Variants in CYTH3 observed in about 807,000 individuals in gnomAD.
CYTH3 encodes cytohesin 3.
Under a neutral mutation model 55.1 loss-of-function variants are expected in CYTH3, and 23 were observed. The ratio of observed to expected loss-of-function variants is 0.42; its 90% CI spans 0.30 to 0.59. The LOEUF (loss-of-function observed/expected upper bound fraction) is 0.59. CYTH3 is among the 20% of genes least tolerant of loss of function. The pLI, the probability that CYTH3 is intolerant of heterozygous loss-of-function variation, is 0.20. For missense variants in CYTH3, 413 were observed against 524.8 expected (o/e 0.79, Z 2.08); for synonymous variants, 249 against 194.9 (o/e 1.28, Z -2.31).
At chr7:6,259,757 T>TATTATATATATATATAA (rs1554255069) in intron 1 of CYTH3, among the ~76,000 whole-genome samples, 1 of 37,464 alleles carries the variant, frequency 2.7e-5, no homozygotes, top group African/African-American at 2.4e-4. Flanking sequence ...TATATATATA[T>TATTATATATATATATAA]TATATATATA....
chr7:6,200,584 T>C (rs1247965074), intron 1 of CYTH3, among the ~76,000 whole-genome samples: 2 of 152,222 alleles, frequency 1.3e-5, no homozygotes, highest in Non-Finnish European at 2.9e-5. Context: ...TGGAGCTTTT[T>C]AGATTTTTGG....
At chr7:6,173,206 G>A (rs1460340834) in intron 6 of CYTH3, 1 of 303,664 alleles carries the variant, frequency 3.3e-6, no homozygotes, top group African/African-American at 2.2e-5. Flanking sequence ...AGCTCAAGGG[G>A]GCATCCAGGG....
intron 1 of CYTH3, among the ~76,000 whole-genome samples, chr7:6,217,267 T>C (rs1045247838): frequency 5.9e-5 from 9 of 152,172 alleles, no homozygotes; most frequent in African/African-American, 7.2e-5. Flanking sequence ...TATTAAAAGA[T>C]TGGCAGAGTA....
At chr7:6,231,870 G>A (rs1236747762) in intron 1 of CYTH3, among the ~76,000 whole-genome samples, 2 of 152,112 alleles carry the variant, frequency 1.3e-5, no homozygotes, top group African/African-American at 2.4e-5. Context: ...GGGCCACAAG[G>A]CACCCTGCTA....
rs539964133 is a variant in CYTH3 at position 6,170,359 on chromosome 7, G to A, written c.823+176C>T. ...GGGCATGGCTCTGAGGCCCCGGCTC[G>A]GAGAAGCAGCCGTGGCCATGCAGCT... On this transcript the variant is annotated intron_variant, in intron 9 of 12. Transcript: ENST00000350796. This position sits in a 1 kb window ranked among gnomAD's most constrained non-coding sequence, Gnocchi z 7.8. The A allele has an allele frequency of 2.9e-5, 18 of 617,716 alleles. No homozygotes were observed. In the East Asian group the frequency reaches 4.4e-4, roughly 15 times the overall value. 38.3% of individuals were successfully genotyped at this position (617,716 alleles called of 1,614,324 possible). A position where few individuals can be genotyped will look rare whatever the true frequency, so the allele number is the denominator to read the frequency against.
chr7:6,199,854 A>G (rs1490805401), intron 1 of CYTH3, among the ~76,000 whole-genome samples: 2 of 152,214 alleles, frequency 1.3e-5, no homozygotes, highest in Non-Finnish European at 2.9e-5. Flanking sequence ...GTTGGGAGGG[A>G]GAAAGGAAAG....
At chr7:6,256,689 G>C (rs1279397513) in intron 1 of CYTH3, among the ~76,000 whole-genome samples, 1 of 152,176 alleles carries the variant, frequency 6.6e-6, no homozygotes, top group Admixed American at 6.5e-5. Flanking sequence ...CAGAACCCAG[G>C]GGAAATAGCT....
chr7:6,196,096 G>T (rs902427141), intron 1 of CYTH3, among the ~76,000 whole-genome samples: 8 of 152,106 alleles, frequency 5.3e-5, no homozygotes, highest in African/African-American at 1.7e-4. Flanking sequence ...TGCTTCCTTA[G>T]TCCTATGTCT....
intron 1 of CYTH3, among the ~76,000 whole-genome samples, chr7:6,251,492 G>A (rs905763844): frequency 1.3e-5 from 2 of 152,050 alleles, no homozygotes; most frequent in Non-Finnish European, 2.9e-5. Flanking sequence ...TGTAAAATAG[G>A]AAAGGATTCT....
intron 1 of CYTH3, among the ~76,000 whole-genome samples, chr7:6,224,829 G>T (rs1239121371): frequency 1.3e-5 from 2 of 152,172 alleles, no homozygotes; most frequent in African/African-American, 2.4e-5. Context: ...ATGGATGAAT[G>T]GATAACACTT....
At chr7:6,261,673 G>C (rs146477409) in intron 1 of CYTH3, among the ~76,000 whole-genome samples, 55 of 122,672 alleles carry the variant, frequency 4.5e-4, no homozygotes, top group African/African-American at 1.6e-3. Flanking sequence ...TTAGGCGACA[G>C]AGTGAGACCC....
At chr7:6,247,640 ACTTTAT>A (rs1257843019) in intron 1 of CYTH3, among the ~76,000 whole-genome samples, 3 of 151,916 alleles carry the variant, frequency 2.0e-5, no homozygotes, top group Non-Finnish European at 4.4e-5. Context: ...CTTTCATTTC[ACTTTAT>A]AATTTTTATT....
chr7:6,243,013 C>T (rs1779714278), intron 1 of CYTH3, among the ~76,000 whole-genome samples: 1 of 152,056 alleles, frequency 6.6e-6, no homozygotes, highest in African/African-American at 2.4e-5. Flanking sequence ...CCCTTCAGTT[C>T]TCTAGGAGGT....
At chr7:6,187,932 T>C (rs963736453) in intron 2 of CYTH3, among the ~76,000 whole-genome samples, 3 of 152,158 alleles carry the variant, frequency 2.0e-5, no homozygotes, top group Non-Finnish European at 4.4e-5. Flanking sequence ...TGCTCACTTT[T>C]CATCAGATAC....
At chr7:6,190,749 G>A (rs1274328296) in intron 1 of CYTH3, among the ~76,000 whole-genome samples, 2 of 151,910 alleles carry the variant, frequency 1.3e-5, no homozygotes, top group South Asian at 2.1e-4. Flanking sequence ...AATAAATTGC[G>A]GTACATTCAT....
At chr7:6,195,927 C>T (rs1462838659) in intron 1 of CYTH3, among the ~76,000 whole-genome samples, 1 of 152,160 alleles carries the variant, frequency 6.6e-6, no homozygotes, top group Non-Finnish European at 1.5e-5. Flanking sequence ...AGAATAAGCT[C>T]AAGGAGATCC....
chr7:6,209,515 G>A lies in CYTH3; in HGVS notation c.35-18984C>T, dbSNP rs567980881. On this transcript the variant is annotated intron_variant, in intron 1 of 12. Transcript: ENST00000350796. ...CGGGGGAGCAGCTTCACAAATGCAC[G>A]TGACTAAAAACCATTTGAGGACACT... is the stretch of plus-strand genomic sequence containing the variant. Among the ~76,000 whole-genome samples the A allele has an allele frequency of 5.3e-5, 8 of 152,248 alleles. No homozygotes were observed. In the East Asian group the frequency reaches 1.5e-3, roughly 29 times the overall value.
At chr7:6,243,753 AGGT>A (rs529573136) in intron 1 of CYTH3, among the ~76,000 whole-genome samples, 37 of 152,334 alleles carry the variant, frequency 2.4e-4, no homozygotes, top group African/African-American at 8.2e-4. Flanking sequence ...GTAGGGTCAG[AGGT>A]GGTATTTTAA....
chr7:6,227,537 A>C (rs1419858785), intron 1 of CYTH3, among the ~76,000 whole-genome samples: 1 of 152,234 alleles, frequency 6.6e-6, no homozygotes, highest in Non-Finnish European at 1.5e-5. Context: ...AACAAGCATC[A>C]GACTTGGAAG....
Sources: allele counts gnomAD v4.1 joint callset (sites outside exome capture counted in the v4.1 genomes callset), GRCh38; gene constraint gnomAD v4.1.1; non-coding constraint Gnocchi (gnomAD v3.1); transcripts MANE v1.5; gene names NCBI Gene and HGNC (gene_info 2026-07-23, HGNC 2026-07-21).